Variants in CHD9 observed in about 807,000 individuals in gnomAD.
The protein encoded by CHD9 is chromodomain helicase DNA binding protein 9, also known as ATP-dependent chromatin remodeler CHD9.
A neutral mutation model predicts 316.1 loss-of-function variants in CHD9; 77 were observed. The observed-to-expected ratio is 0.24, with a 90% CI of 0.20 to 0.29. The LOEUF is 0.29. Among genes scored for constraint, CHD9 ranks in the 10% least tolerant of loss-of-function variants. The pLI, the probability that CHD9 is intolerant of heterozygous loss-of-function variation, is 1.00. For synonymous variants in CHD9, 1,129 were observed against 1,158.3 expected (o/e 0.97, Z 0.51); for missense variants, 2,763 against 3,438.1 (o/e 0.80, Z 4.91).
intron 1 of CHD9, among the ~76,000 whole-genome samples, chr16:53,127,634 T>C (rs1460251850): frequency 6.6e-6 from 1 of 152,030 alleles, no homozygotes; most frequent in African/African-American, 2.4e-5. Flanking sequence ...GGGGAATCCC[T>C]TTCTCAACGG....
At chr16:53,117,246 T>A (rs537420185) in intron 1 of CHD9, among the ~76,000 whole-genome samples, 49 of 151,534 alleles carry the variant, frequency 3.2e-4, no homozygotes, top group African/African-American at 1.1e-3. Context: ...TTAAAAAAAT[T>A]AAAAAAAAAT....
intron 1 of CHD9, among the ~76,000 whole-genome samples, chr16:53,109,179 C>T (rs934467104): frequency 6.6e-6 from 1 of 152,022 alleles, no homozygotes; most frequent in African/African-American, 2.4e-5. Flanking sequence ...GCCAGTTTCT[C>T]CTAATCCCAG....
chr16:53,264,814 T>G (rs953624406), intron 20 of CHD9, among the ~76,000 whole-genome samples: 1 of 152,072 alleles, frequency 6.6e-6, no homozygotes, highest in African/African-American at 2.4e-5. Flanking sequence ...GAGACACTGG[T>G]AGAAATAAGC....
intron 38 of CHD9, among the ~76,000 whole-genome samples, 160 bp from the exon 39 acceptor site, chr16:53,323,860 T>C (rs1482191085): frequency 2.0e-5 from 3 of 152,228 alleles, no homozygotes; most frequent in Non-Finnish European, 2.9e-5. Flanking sequence ...CTACCACTTA[T>C]ATAAAATTAG....
intron 11 of CHD9, 124 bp downstream of exon 11, chr16:53,235,430 G>T (rs1333818115): frequency 1.5e-6 from 1 of 671,492 alleles, no homozygotes; most frequent in Non-Finnish European, 2.3e-6. Context: ...TTAAAGTGAG[G>T]TTACCTCAGG....
At chr16:53,058,011 G>C (rs925148704) in intron 1 of CHD9, among the ~76,000 whole-genome samples, 5 of 152,198 alleles carry the variant, frequency 3.3e-5, no homozygotes, top group African/African-American at 1.2e-4. Context: ...AAGCTTGTCT[G>C]TTAGGTAAGC....
At chr16:53,291,384 A>C (rs1009627438) in intron 27 of CHD9, among the ~76,000 whole-genome samples, 2 of 152,222 alleles carry the variant, frequency 1.3e-5, no homozygotes, top group Non-Finnish European at 2.9e-5. Flanking sequence ...AAGAGTTGGT[A>C]TAAGAAAGGG....
In CHD9 at chr16:53,245,270, C is replaced by CT; in HGVS notation, c.3055-65dup. ...ATTTGCATATTGATCATTCGATAAT[C>CT]TAAGTCAGCTTTCATATAATTTTAG... On this transcript the variant is annotated intron_variant, in intron 13 of 38. Coordinates refer to ENST00000447540, the MANE Select transcript of CHD9 (RefSeq NM_001308319.2). The surrounding 1 kb of genome is among the most constrained non-coding windows in gnomAD (Gnocchi z 4.1). 2 of 1,245,078 alleles carry CT rather than the reference C, an allele frequency of 1.6e-6. No homozygotes were observed. The highest frequency in any genetic ancestry group is 2.1e-6 in the Non-Finnish European group (2 of 930,478). The allele number at this position is 1,245,078 out of a possible 1,614,324, so 77.1% of individuals were successfully genotyped here.
At chr16:53,069,663 CT>C (rs1448235646) in intron 1 of CHD9, among the ~76,000 whole-genome samples, 8 of 152,202 alleles carry the variant, frequency 5.3e-5, no homozygotes, top group African/African-American at 1.9e-4. Context: ...GTTACTTCCA[CT>C]TTTTGGCTAT....
At chr16:53,151,634 T>G (rs1420143953) in intron 1 of CHD9, among the ~76,000 whole-genome samples, 1 of 152,212 alleles carries the variant, frequency 6.6e-6, no homozygotes, top group Non-Finnish European at 1.5e-5. Context: ...GTCTTCAAGT[T>G]TGCTGATTAT....
At chr16:53,213,133 A>G (rs1283534643) in intron 3 of CHD9, among the ~76,000 whole-genome samples, 1 of 152,202 alleles carries the variant, frequency 6.6e-6, no homozygotes, top group African/African-American at 2.4e-5. Flanking sequence ...GGAATAATAG[A>G]TTAACTTATT....
chr16:53,223,560 T>C (rs897794899), intron 4 of CHD9: 2 of 152,610 alleles, frequency 1.3e-5, no homozygotes, highest in Non-Finnish European at 2.9e-5. Context: ...TTTTTCATCA[T>C]ATGTTATCCT....
intron 35 of CHD9, 135 bp downstream of exon 35, chr16:53,314,651 A>G (rs924068949): frequency 1.6e-5 from 16 of 984,784 alleles, no homozygotes; most frequent in Non-Finnish European, 2.3e-5. Context: ...ATTTTAGATG[A>G]TATCTTAGAA....
At chr16:53,294,386 G>T (rs1008101948) in intron 29 of CHD9, among the ~76,000 whole-genome samples, 1 of 152,134 alleles carries the variant, frequency 6.6e-6, no homozygotes, top group Non-Finnish European at 1.5e-5. Context: ...CTCTGTAAAT[G>T]AACTGTTTTT....
At chr16:53,133,531 C>T (rs1555488888) in intron 1 of CHD9, among the ~76,000 whole-genome samples, 1 of 152,156 alleles carries the variant, frequency 6.6e-6, no homozygotes, top group Non-Finnish European at 1.5e-5. Flanking sequence ...GACTTTGTCA[C>T]TTAACTGTGT....
intron 10 of CHD9, among the ~76,000 whole-genome samples, chr16:53,232,202 T>A (rs1166137074): frequency 6.6e-6 from 1 of 152,196 alleles, no homozygotes; most frequent in East Asian, 1.9e-4. Flanking sequence ...TTCTAAATGC[T>A]ATTCCTTGAA....
At chr16:53,153,060 A>G (rs1438598057) in intron 1 of CHD9, among the ~76,000 whole-genome samples, 1 of 152,190 alleles carries the variant, frequency 6.6e-6, no homozygotes. Flanking sequence ...AATGCTGCTG[A>G]TAGGTAGTGT....
Position 53,254,551 on chromosome 16 carries a change from C to T in CHD9, c.3975C>T (p.Gly1325=). 6.2e-7 allele frequency: 1 copy of T among 1,612,364 alleles called. No individual in the cohort carries two copies. The highest frequency in any genetic ancestry group is 8.5e-7 in the Non-Finnish European group (1 of 1,179,064). The part of the protein sequence containing the change: ...EMFDRASLKL[G]LDKAVLQSMS... The stretch of plus-strand genomic sequence containing the variant: ...TTGACCGAGCCAGTTTGAAACTGGG[C>T]CTAGATAAAGCTGTGTTACAGAGCA... The change falls in exon 18 of 39, where the codon GGC becomes GGT. Residue 1325 remains glycine, a synonymous_variant. Transcript: ENST00000447540.
intron 1 of CHD9, among the ~76,000 whole-genome samples, chr16:53,067,910 T>G (rs1047728571): frequency 6.6e-6 from 1 of 151,742 alleles, no homozygotes; most frequent in Non-Finnish European, 1.5e-5. Flanking sequence ...GAAAAAAAAA[T>G]TAGCTGGGCA....
Sources: allele counts gnomAD v4.1 joint callset (sites outside exome capture counted in the v4.1 genomes callset), GRCh38; gene constraint gnomAD v4.1.1; non-coding constraint Gnocchi (gnomAD v3.1); transcripts MANE v1.5; gene names NCBI Gene and HGNC (gene_info 2026-07-23, HGNC 2026-07-21).